The following SULF2 variants were observed in gnomAD, a reference collection of about 807,000 sequenced individuals.
The protein encoded by SULF2 is extracellular sulfatase Sulf-2.
Under a neutral mutation model 107.7 loss-of-function variants are expected in SULF2, and 52 were observed. The ratio of observed to expected loss-of-function variants is 0.48; its 90% CI spans 0.39 to 0.61. The LOEUF (loss-of-function observed/expected upper bound fraction) is 0.61. Among genes scored for constraint, SULF2 ranks in the 20% least tolerant of loss-of-function variants. SULF2 has a pLI of 0.00. For missense variants in SULF2, 993 were observed against 1,177.3 expected (o/e 0.84, Z 2.29); for synonymous variants, 460 against 464.3 (o/e 0.99, Z 0.12).
rs761826256 is a variant in SULF2 at position 47,757,249 on chromosome 20, G to C, written c.115C>G (p.Arg39Gly). The change falls in exon 2 of 21, where the codon CGC (arginine) becomes GGC (glycine). Residue 39 changes from arginine (R) to glycine (G), a missense_variant. Arg to Gly is a moderately radical substitution (Grantham distance 125). Around this residue, in one of 3 missense-constraint regions of SULF2, gnomAD observed 388 missense variants for 449.2 expected, o/e 0.86. Transcript: ENST00000688720. ...ATGATGTTGGGGCGGATGTTCCTGC[G>C]GTCCCTCTGAAACCTGCCTTTCAGG... ...HRLKGRFQRD[R>G]RNIRPNIILV... 1 of 1,572,074 alleles carries C rather than the reference G, an allele frequency of 6.4e-7. No homozygotes were observed.
chr20:47,661,707 ACCT>A (rs1568775308), intron 18 of SULF2, 63 bp downstream of exon 18: 2 of 1,384,574 alleles, frequency 1.4e-6, no homozygotes, highest in Non-Finnish European at 1.9e-6. Context: ...GGTAGACACC[ACCT>A]CCTGAGTCCC....
In SULF2 at chr20:47,663,587, A is replaced by G. The variant is rs2087162483; in HGVS notation, c.2093T>C (p.Leu698Ser). 9 of 1,608,002 alleles carry G rather than the reference A, an allele frequency of 5.6e-6. No homozygotes were observed. The highest frequency in any genetic ancestry group is 6.8e-6 in the Non-Finnish European group (8 of 1,177,358). Residue 698 changes from leucine to serine, a missense_variant, in exon 16 of 21, where the codon TTG (leucine) becomes TCG (serine). By Grantham distance (145) the Leu-to-Ser change is moderately radical (BLOSUM62 -2). Coordinates refer to ENST00000688720, the MANE Select transcript of SULF2 (RefSeq NM_001387048.1). ...TTTCTTCTTGCGCTTCTGCTCCCGC[A>G]ACAGCCACACCTTGTCCTTCTCTTG... The part of the protein sequence containing the change: ...GLQEKDKVWL[L>S]REQKRKKKLR...
chr20:47,780,469 A>G (rs556806034), intron 1 of SULF2, among the ~76,000 whole-genome samples: 2 of 152,288 alleles, frequency 1.3e-5, no homozygotes, highest in South Asian at 4.1e-4. Context: ...TCTAGGTCAC[A>G]GTTCAAAGGT....
At chr20:47,659,366 G>A (rs1314972902) in intron 20 of SULF2, 33 bp downstream of exon 20, 1 of 1,607,286 alleles carries the variant, frequency 6.2e-7, no homozygotes, top group Non-Finnish European at 8.5e-7. Flanking sequence ...GTCAGAACCA[G>A]ATTTCTATTT....
At chr20:47,777,880 G>A (rs1296858804) in intron 1 of SULF2, among the ~76,000 whole-genome samples, 1 of 152,030 alleles carries the variant, frequency 6.6e-6, no homozygotes, top group African/African-American at 2.4e-5. Flanking sequence ...CAGGCAGGGT[G>A]GCTCACGCCT....
At chr20:47,712,777 T>G (rs1349393708) in intron 3 of SULF2, among the ~76,000 whole-genome samples, 1 of 152,220 alleles carries the variant, frequency 6.6e-6, no homozygotes, top group Non-Finnish European at 1.5e-5. Flanking sequence ...CTCACGCCTG[T>G]AATCCCAGCA....
chr20:47,679,426 G>C (rs1035329573), intron 7 of SULF2, among the ~76,000 whole-genome samples: 1 of 152,202 alleles, frequency 6.6e-6, no homozygotes, highest in Non-Finnish European at 1.5e-5. Context: ...CTGCCAACCA[G>C]TGGGTTGTGA....
Position 47,677,220 on chromosome 20 carries a change from G to C in SULF2, c.1194-86C>G, listed in dbSNP as rs2087673200. ...CCCCCAGGAGCAGGGACGGCACCAGGAGTCAGCCTTGGTTTACGGTCAGCC... is the reference window on the plus strand; with the variant it reads ...CCCCCAGGAGCAGGGACGGCACCAGCAGTCAGCCTTGGTTTACGGTCAGCC... On this transcript the variant is annotated intron_variant, in intron 8 of 20. Transcript: ENST00000688720. The C allele has an allele frequency of 3.4e-6, 5 of 1,483,122 alleles. No homozygotes were observed. The South Asian group carries it at 5.8e-5, about 17-fold the overall frequency. 91.9% of individuals were successfully genotyped at this position (1,483,122 alleles called of 1,614,324 possible).
At chr20:47,695,184 G>C (rs2088333579) in intron 4 of SULF2, among the ~76,000 whole-genome samples, 1 of 152,194 alleles carries the variant, frequency 6.6e-6, no homozygotes, top group Admixed American at 6.5e-5. Context: ...TCAGGAAAAT[G>C]AATGGGCATG....
chr20:47,702,623 G>A lies in SULF2; in HGVS notation c.463C>T (p.Pro155Ser), dbSNP rs2088609334. The change falls in exon 4 of 21, where the codon CCC becomes TCC. Residue 155 changes from proline to serine, a missense_variant. This residue lies in a region of SULF2 where 388 missense variants were observed against 449.2 expected (regional missense o/e 0.86). Transcript: ENST00000688720. ...LNEYNGSYVP[P>S]GWKEWVGLLK... is the part of the protein sequence containing the mutation. ...AGTCCGACCCACTCCTTCCAGCCGGGTGGCACGTAGGAGCCGTTGTATTCA... is the reference window on the plus strand; with the variant it reads ...AGTCCGACCCACTCCTTCCAGCCGGATGGCACGTAGGAGCCGTTGTATTCA... 1 of 1,613,944 alleles carries A rather than the reference G, an allele frequency of 6.2e-7. No individual in the cohort carries two copies.
upstream of SULF2, chr20:47,786,591 T>C (rs1279056830): frequency 4.0e-5 from 6 of 151,690 alleles, no homozygotes; most frequent in African/African-American, 1.5e-4. Context: ...CAAGTGAAAA[T>C]AGCAGCTGTT....
chr20:47,738,689 C>G (rs530572591), intron 2 of SULF2, among the ~76,000 whole-genome samples: 4 of 152,298 alleles, frequency 2.6e-5, no homozygotes, highest in Non-Finnish European at 5.9e-5. Context: ...TTCTCATTCT[C>G]TCTTGCCTAC....
intron 5 of SULF2, chr20:47,686,164 C>G (rs762304701): frequency 6.6e-6 from 1 of 152,228 alleles, no homozygotes; most frequent in African/African-American, 2.4e-5. Flanking sequence ...TTAGTAATCA[C>G]GGGTGACTCC....
intron 3 of SULF2, among the ~76,000 whole-genome samples, chr20:47,730,050 G>GC (rs959502364): frequency 7.4e-5 from 11 of 147,862 alleles, no homozygotes; most frequent in African/African-American, 2.3e-4. Context: ...GGACACAGAG[G>GC]CCCCCCAGAC....
intron 3 of SULF2, among the ~76,000 whole-genome samples, chr20:47,711,160 T>A (rs888955366): frequency 2.0e-5 from 3 of 152,070 alleles, no homozygotes; most frequent in African/African-American, 7.2e-5. Context: ...TGCAGACATG[T>A]CCCCGCCATG....
At chr20:47,774,559 A>C (rs1238710509) in intron 1 of SULF2, among the ~76,000 whole-genome samples, 1 of 152,108 alleles carries the variant, frequency 6.6e-6, no homozygotes, top group Non-Finnish European at 1.5e-5. Context: ...GCAGCACCTG[A>C]GCTATGGGGC....
At position 47,672,191 on chromosome 20, in the gene SULF2, C is replaced by A. The variant is rs776487200; in HGVS notation, c.1576+7G>T. 1 of 1,601,398 alleles carries A rather than the reference C, an allele frequency of 6.2e-7. No individual in the cohort carries two copies. The highest frequency in any genetic ancestry group is 8.5e-7 in the Non-Finnish European group (1 of 1,171,032). ...CCTGTCCCACTCAGCCAGGTTGTGA[C>A]ACTTACTCTTCTTGAAGAGTTTTTT... is the stretch of plus-strand genomic sequence containing the variant. On this transcript the variant is annotated splice_region_variant and intron_variant, in intron 11 of 20. Coordinates refer to ENST00000688720, the MANE Select transcript of SULF2 (RefSeq NM_001387048.1).
chr20:47,736,649 G>C, intron 3 of SULF2, 54 bp downstream of exon 3: 1 of 1,606,206 alleles, frequency 6.2e-7, no homozygotes. Context: ...CACACCTAGG[G>C]ACGCCCGCCC....
intron 3 of SULF2, among the ~76,000 whole-genome samples, chr20:47,709,835 T>C (rs2088869272): frequency 6.7e-6 from 1 of 149,884 alleles, no homozygotes; most frequent in Admixed American, 6.6e-5. Context: ...GATAGAGAGA[T>C]ACAAGAGATA....
Sources: gnomAD v4.1 joint callset for allele counts (sites outside exome capture counted in the v4.1 genomes callset) on GRCh38, gnomAD v4.1.1 for gene constraint, gnomAD v4.1.1 regional missense constraint, MANE v1.5 for transcripts, NCBI Gene and HGNC (gene_info 2026-07-23, HGNC 2026-07-21) for gene names.